CAPZB: variants seen among roughly 807,000 people sequenced by gnomAD.
CAPZB encodes capping actin protein of muscle Z-line subunit beta.
CAPZB carries 2 observed loss-of-function variants against 38.1 expected under a neutral mutation model. The ratio of observed to expected loss-of-function variants is 0.05; its 90% CI spans 0.02 to 0.17. CAPZB has a LOEUF of 0.17. Ranked by LOEUF, CAPZB falls within the 10% of genes least tolerant of loss-of-function variation. The probability of loss-of-function intolerance (pLI) is 1.00; values close to 1 mark genes in which losing one functional copy is unlikely to be tolerated. For synonymous variants in CAPZB, 107 were observed against 127.4 expected (o/e 0.84, Z 1.08); for missense variants, 161 against 334.2 (o/e 0.48, Z 4.04).
In CAPZB at chr1:19,339,562, C is replaced by G. The variant is rs1406164269; in HGVS notation, c.787G>C (p.Val263Leu). The change falls in exon 9 of 9, where the codon GTG (valine) becomes CTG (leucine). Residue 263 changes from valine to leucine, a missense_variant. Transcript: ENST00000264202. ...SKQEALKNDL[V>L]EALKRKQQC ...TGCTGCTTTCTCTTCAAAGCCTCCA[C>G]CAGGTCATTCTTCAGAGCTTCTTGT... The G allele has an allele frequency of 6.2e-7, 1 of 1,614,068 alleles. No homozygotes were observed. The highest frequency in any genetic ancestry group is 1.1e-5 in the South Asian group (1 of 91,084).
chr1:19,422,727 A>AG (rs1189589765), intron 1 of CAPZB, among the ~76,000 whole-genome samples: 8 of 113,942 alleles, frequency 7.0e-5, no homozygotes, highest in Admixed American at 3.0e-4. Context: ...ACTCCATCTC[A>AG]AAAACAACAA....
chr1:19,357,146 C>T lies in CAPZB; in HGVS notation c.471+276G>A, dbSNP rs562956601. 3.3e-5 allele frequency among the ~76,000 whole-genome samples: 5 copies of T among 152,218 alleles called. No individual in the cohort carries two copies. Among genetic ancestry groups the T allele is most frequent in the East Asian group, 1.9e-4 (1 of 5,182 alleles). On this transcript the variant is annotated intron_variant, in intron 5 of 8. Transcript: ENST00000264202. The surrounding 1 kb of genome is among the most constrained non-coding windows in gnomAD (Gnocchi z 4.3). Reference sequence around the variant, plus strand: ...TCCCAAACTGCTGGGATTACAGGCCCGAGCCACCGTACCTGGCCTCACAAT... The same window carrying T: ...TCCCAAACTGCTGGGATTACAGGCCTGAGCCACCGTACCTGGCCTCACAAT...
intron 1 of CAPZB, 145 bp from the exon 2 acceptor site, chr1:19,419,895 A>G: frequency 1.7e-6 from 1 of 598,526 alleles, no homozygotes; most frequent in South Asian, 2.1e-5. Flanking sequence ...GTGTGCCAGC[A>G]GCCTGGAGCG....
intron 4 of CAPZB, among the ~76,000 whole-genome samples, chr1:19,367,568 T>C (rs561301539): frequency 6.6e-6 from 1 of 152,274 alleles, no homozygotes; most frequent in South Asian, 2.1e-4. Context: ...CCACCCTTGT[T>C]TGTGTGTTGA....
At chr1:19,445,603 A>T (rs2094493323) in intron 1 of CAPZB, among the ~76,000 whole-genome samples, 1 of 152,336 alleles carries the variant, frequency 6.6e-6, no homozygotes, top group Admixed American at 6.5e-5. Flanking sequence ...AACAGGGATT[A>T]CTTTTAGAAT....
At chr1:19,380,448 C>T (rs2094168081) in intron 3 of CAPZB, among the ~76,000 whole-genome samples, 1 of 152,252 alleles carries the variant, frequency 6.6e-6, no homozygotes, top group Middle Eastern at 3.2e-3. Flanking sequence ...GGGAAGCAAA[C>T]TGTCAACAAG....
chr1:19,356,623 G>A lies in CAPZB; in HGVS notation c.588+12C>T, dbSNP rs747087349. The A allele has an allele frequency of 1.9e-5, 30 of 1,581,608 alleles. No individual in the cohort carries two copies. The highest frequency in any genetic ancestry group is 4.0e-5 in the African/African-American group (3 of 74,300). On this transcript the variant is annotated intron_variant, in intron 6 of 8. Transcript: ENST00000264202. This position sits in a 1 kb window ranked among gnomAD's most constrained non-coding sequence, Gnocchi z 4.3. ...TGGGCACTGGCAAGTGGCTATGAGCGGGTAACTCTACCTGTCTGGTAAGGC... is the reference window on the plus strand; with the variant it reads ...TGGGCACTGGCAAGTGGCTATGAGCAGGTAACTCTACCTGTCTGGTAAGGC...
chr1:19,418,422 A>G (rs1343124655), intron 2 of CAPZB, among the ~76,000 whole-genome samples: 1 of 152,022 alleles, frequency 6.6e-6, no homozygotes, highest in Non-Finnish European at 1.5e-5. Context: ...CATCACAACT[A>G]TGTTACTACC....
intron 1 of CAPZB, among the ~76,000 whole-genome samples, chr1:19,435,575 G>A (rs2094455597): frequency 6.6e-6 from 1 of 152,168 alleles, no homozygotes; most frequent in Admixed American, 6.5e-5. Flanking sequence ...AGCTATAATA[G>A]TAATAGCTAA....
At chr1:19,381,184 A>C (rs57073530) in intron 3 of CAPZB, among the ~76,000 whole-genome samples, 2,421 of 152,156 alleles carry the variant, frequency 0.016, 68 homozygotes, top group African/African-American at 0.054. Flanking sequence ...AACAAACAAA[A>C]AAAAATGAAT....
In CAPZB at chr1:19,344,837, G is replaced by A. The variant is rs116198517; in HGVS notation, c.654+350C>T. 8.6e-3 allele frequency among the ~76,000 whole-genome samples: 1,313 copies of A among 152,316 alleles called. 23 individuals carry two copies. The highest frequency in any genetic ancestry group is 0.03 in the African/African-American group (1,264 of 41,566). ...GCAGCCGCAACTGAAGCCACACCAG[G>A]GCCCACTGGCATTCCTGGGATCTGC... On this transcript the variant is annotated intron_variant, in intron 7 of 8. Coordinates refer to ENST00000264202, the MANE Select transcript of CAPZB (RefSeq NM_004930.5).
At chr1:19,475,030 T>TCC (rs770412120) in intron 1 of CAPZB, among the ~76,000 whole-genome samples, 1 of 151,856 alleles carries the variant, frequency 6.6e-6, no homozygotes, top group African/African-American at 2.4e-5. Flanking sequence ...AAGTCCAAGC[T>TCC]CCCAACACAA....
chr1:19,450,162 A>AG (rs1558273018), intron 1 of CAPZB, among the ~76,000 whole-genome samples: 3 of 131,082 alleles, frequency 2.3e-5, no homozygotes, highest in African/African-American at 9.2e-5. Flanking sequence ...AAAAAAAAAA[A>AG]AAAAAAAGAA....
intron 1 of CAPZB, among the ~76,000 whole-genome samples, chr1:19,468,570 AGCAGGGCAGGGCAGAGCAGG>A (rs1364399745): frequency 2.6e-5 from 4 of 152,152 alleles, no homozygotes; most frequent in African/African-American, 9.6e-5. Flanking sequence ...GGTGGGGCGG[AGCAGGGCAGGGCAGAGCAGG>A]GCAGGGCAGG....
At chr1:19,383,838 G>A (rs564105476) in intron 3 of CAPZB, among the ~76,000 whole-genome samples, 2 of 152,124 alleles carry the variant, frequency 1.3e-5, no homozygotes, top group South Asian at 4.2e-4. Flanking sequence ...CAGTGGCTCA[G>A]GTCCGAAGCC....
chr1:19,414,906 T>G (rs1278701812), intron 2 of CAPZB, among the ~76,000 whole-genome samples: 1 of 152,268 alleles, frequency 6.6e-6, no homozygotes, highest in Non-Finnish European at 1.5e-5. Context: ...AATGATGTTT[T>G]GGCCATCTGC....
chr1:19,445,022 T>C (rs572207198), intron 1 of CAPZB, among the ~76,000 whole-genome samples: 1 of 152,270 alleles, frequency 6.6e-6, no homozygotes, highest in African/African-American at 2.4e-5. Flanking sequence ...GGTTTATAGG[T>C]GTAAGCCACC....
intron 6 of CAPZB, among the ~76,000 whole-genome samples, chr1:19,352,603 T>TA (rs1301237428): frequency 6.6e-6 from 1 of 152,228 alleles, no homozygotes; most frequent in African/African-American, 2.4e-5. Context: ...CGTGGCAGTG[T>TA]ACCAGAGGGT....
intron 6 of CAPZB, among the ~76,000 whole-genome samples, chr1:19,347,308 G>A (rs1435082477): frequency 1.3e-5 from 2 of 152,168 alleles, no homozygotes; most frequent in African/African-American, 2.4e-5. Flanking sequence ...AGCCCTGCAC[G>A]AGAGCACTTC....
Sources: allele counts gnomAD v4.1 joint callset (sites outside exome capture counted in the v4.1 genomes callset), GRCh38; gene constraint gnomAD v4.1.1; non-coding constraint Gnocchi (gnomAD v3.1); transcripts MANE v1.5; gene names NCBI Gene and HGNC (gene_info 2026-07-23, HGNC 2026-07-21).